ATXN2L: variants seen among roughly 807,000 people sequenced by gnomAD.
ATXN2L encodes the protein ataxin-2-like protein.
A neutral mutation model predicts 120.7 loss-of-function variants in ATXN2L; 24 were observed. The ratio of observed to expected loss-of-function variants is 0.20; its 90% CI spans 0.14 to 0.28. The LOEUF is 0.28. Among genes scored for constraint, ATXN2L ranks in the 10% least tolerant of loss-of-function variants. The pLI, the probability that ATXN2L is intolerant of heterozygous loss-of-function variation, is 1.00. For synonymous variants in ATXN2L, 653 were observed against 568.1 expected (o/e 1.15, Z -2.13); for missense variants, 1,312 against 1,432.3 (o/e 0.92, Z 1.36).
intron 7 of ATXN2L, 120 bp downstream of exon 7, chr16:28,829,612 C>G (rs1374770484): frequency 2.4e-6 from 2 of 828,638 alleles, no homozygotes; most frequent in Non-Finnish European, 2.0e-6. Flanking sequence ...GGGTCGCCAT[C>G]CCTACTCCTA....
chr16:28,827,085 C>CCAT, intron 6 of ATXN2L, 99 bp downstream of exon 6: 1 of 1,190,302 alleles, frequency 8.4e-7, no homozygotes, highest in Non-Finnish European at 1.1e-6. Context: ...TTACTGTTGC[C>CCAT]CATTGATGGT....
At chr16:28,824,616 T>G in intron 1 of ATXN2L, 1 of 1,223,478 alleles carries the variant, frequency 8.2e-7, no homozygotes, top group Non-Finnish European at 1.1e-6. Context: ...TCCCACAGTT[T>G]TGAGGCGTCA....
At chr16:28,825,260 A>C in intron 1 of ATXN2L, 106 bp from the exon 2 acceptor site, 1 of 1,080,778 alleles carries the variant, frequency 9.3e-7, no homozygotes, top group Non-Finnish European at 1.4e-6. Context: ...TTTGTAGTCT[A>C]AATCAGCATC....
Position 28,835,072 on chromosome 16 carries a change from C to A in ATXN2L, c.2448C>A (p.Pro816=). 1 of 1,612,750 alleles carries A rather than the reference C, an allele frequency of 6.2e-7. No individual in the cohort carries two copies. Residue 816 remains proline (P), a synonymous_variant, in exon 19 of 22, where the codon CCC becomes CCA. Transcript: ENST00000336783. Reference sequence around the variant, plus strand: ...TGTCCCGCCAGCCGGTGTTTGCCCCCATGCTTCAGAGCAACCCACGCATGC... The same window carrying A: ...TGTCCCGCCAGCCGGTGTTTGCCCCAATGCTTCAGAGCAACCCACGCATGC... The part of the protein sequence containing the change: ...AHYPSQPVFA[P]MLQSNPRMLT...
At position 28,833,436 on chromosome 16, in the gene ATXN2L, C is replaced by T. The variant is rs746618187; in HGVS notation, c.1956-3C>T. 27 of 1,614,180 alleles carry T rather than the reference C, an allele frequency of 1.7e-5. No homozygotes were observed. In the East Asian group the frequency reaches 5.8e-4, roughly 35 times the overall value. On this transcript the variant is annotated splice_polypyrimidine_tract_variant and splice_region_variant and intron_variant, in intron 14 of 21. Coordinates refer to ENST00000336783, the MANE Select transcript of ATXN2L (RefSeq NM_007245.4). ...TGAAGATTTACTGTACTTTCTCTCA[C>T]AGACAAGTAAAGAAATCAACGTTGA...
In ATXN2L at chr16:28,834,433, G is replaced by A. The variant is rs746894418; in HGVS notation, c.2245+18G>A. On this transcript the variant is annotated intron_variant, in intron 17 of 21. Coordinates refer to ENST00000336783, the MANE Select transcript of ATXN2L (RefSeq NM_007245.4). ...AGCAAAAGGTGAGCAGGGCTGGGAG[G>A]GGCAGGCGGCGAGGCTGCCAAGGGC... 7.4e-6 allele frequency: 12 copies of A among 1,613,760 alleles called. No homozygotes were observed. Among genetic ancestry groups the A allele is most frequent in the African/African-American group, 2.7e-5 (2 of 74,918 alleles).
intron 7 of ATXN2L, 26 bp downstream of exon 7, chr16:28,829,518 G>T (rs1289747716): frequency 6.7e-7 from 1 of 1,497,982 alleles, no homozygotes; most frequent in Admixed American, 1.7e-5. Context: ...CTCTCCAGGT[G>T]ATGTGTTGGT....
chr16:28,834,984 G>A lies in ATXN2L; in HGVS notation c.2434-74G>A, dbSNP rs111231313. ...TGTGAGGAGGCCCAAGCGGTGCTGT[G>A]CACGCAGTGACTGGCAGGAGGACAC... On this transcript the variant is annotated intron_variant, in intron 18 of 21. Transcript: ENST00000336783. 4.5e-6 allele frequency: 7 copies of A among 1,557,782 alleles called. No homozygotes were observed. In the African/African-American group the frequency reaches 5.4e-5, roughly 12 times the overall value.
rs749287704 is a variant in ATXN2L at position 28,837,036 on chromosome 16, G to A, written c.*771G>A. On this transcript the variant is annotated 3_prime_UTR_variant, in exon 22 of 22. Transcript: ENST00000336783. ...CTCCCATCCTCTCATCTATTCCCCCGCTGGAGACGGAAGATCTTTTATTTT... is the reference window on the plus strand; with the variant it reads ...CTCCCATCCTCTCATCTATTCCCCCACTGGAGACGGAAGATCTTTTATTTT... The A allele has an allele frequency of 2.2e-4, 142 of 659,830 alleles. 1 individual carries two copies. Among genetic ancestry groups the A allele is most frequent in the Non-Finnish European group, 3.4e-4 (124 of 359,540 alleles). The allele number at this position is 659,830 out of a possible 1,614,324, so 40.9% of individuals were successfully genotyped here.
chr16:28,827,714 C>T (rs1057066919), intron 6 of ATXN2L, among the ~76,000 whole-genome samples: 3 of 152,124 alleles, frequency 2.0e-5, no homozygotes, highest in Admixed American at 2.0e-4. Flanking sequence ...GGACTCCAGT[C>T]TGAGCGACAG....
chr16:28,826,004 TGGG>T, intron 4 of ATXN2L, 163 bp downstream of exon 4: 1 of 845,828 alleles, frequency 1.2e-6, no homozygotes, highest in Non-Finnish European at 1.8e-6. Flanking sequence ...ATTTGAGGGC[TGGG>T]TACTTTAATG....
intron 18 of ATXN2L, 146 bp downstream of exon 18, chr16:28,834,839 G>A (rs955271578): frequency 1.7e-6 from 2 of 1,207,816 alleles, no homozygotes; most frequent in Non-Finnish European, 2.3e-6. Context: ...TCAGACTTGG[G>A]CTTGAGCCCT....
intron 6 of ATXN2L, among the ~76,000 whole-genome samples, chr16:28,827,314 G>C (rs2052482464): frequency 6.6e-6 from 1 of 152,080 alleles, no homozygotes; most frequent in Non-Finnish European, 1.5e-5. Flanking sequence ...TGTACCTGTA[G>C]TCCCAGCTAC....
At chr16:28,828,309 G>A (rs968971186) in intron 6 of ATXN2L, among the ~76,000 whole-genome samples, 2 of 152,116 alleles carry the variant, frequency 1.3e-5, no homozygotes, top group African/African-American at 2.4e-5. Flanking sequence ...GTTGCAGGCC[G>A]GGCGCGGTGG....
At chr16:28,825,292 G>A in intron 1 of ATXN2L, 74 bp from the exon 2 acceptor site, 1 of 1,396,622 alleles carries the variant, frequency 7.2e-7, no homozygotes, top group Non-Finnish European at 1.0e-6. Context: ...TATACTTCTA[G>A]GATTTAACAT....
chr16:28,825,281 A>G, intron 1 of ATXN2L, 85 bp from the exon 2 acceptor site: 2 of 1,272,854 alleles, frequency 1.6e-6, no homozygotes, highest in Non-Finnish European at 2.3e-6. Context: ...ATCAGGTGGT[A>G]TATACTTCTA....
In ATXN2L at chr16:28,836,943, C is replaced by G. The variant is rs1961182165; in HGVS notation, c.*678C>G. On this transcript the variant is annotated 3_prime_UTR_variant, in exon 22 of 22. Coordinates refer to ENST00000336783, the MANE Select transcript of ATXN2L (RefSeq NM_007245.4). ...TGAATGGGAGGGGCCTCACAGAGGG[C>G]AGGGCCAGGGTCCAGCAGGGGTGGG... The G allele has an allele frequency of 2.7e-6, 2 of 753,356 alleles. No homozygotes were observed. Among genetic ancestry groups the G allele is most frequent in the Non-Finnish European group, 4.4e-6 (2 of 454,494 alleles). The allele number at this position is 753,356 out of a possible 1,614,324, so 46.7% of individuals were successfully genotyped here.
chr16:28,829,742 A>G (rs2053657505), intron 7 of ATXN2L, 116 bp from the exon 8 acceptor site: 3 of 1,124,612 alleles, frequency 2.7e-6, no homozygotes, highest in Admixed American at 3.8e-5. Flanking sequence ...CAGATGTTGA[A>G]GGGATTAAAT....
At chr16:28,828,020 C>G (rs1204317225) in intron 6 of ATXN2L, among the ~76,000 whole-genome samples, 1 of 152,206 alleles carries the variant, frequency 6.6e-6, no homozygotes, top group Admixed American at 6.5e-5. Context: ...GTACGTAGAT[C>G]TAGTTCTTTG....
Sources: allele counts gnomAD v4.1 joint callset (sites outside exome capture counted in the v4.1 genomes callset), GRCh38; gene constraint gnomAD v4.1.1; transcripts MANE v1.5; gene names NCBI Gene and HGNC (gene_info 2026-07-23, HGNC 2026-07-21).